The following ATCAY variants were observed in gnomAD, a reference collection of about 807,000 sequenced individuals.
The protein encoded by ATCAY is caytaxin.
A neutral mutation model predicts 47.7 loss-of-function variants in ATCAY; 22 were observed. The ratio of observed to expected loss-of-function variants is 0.46; its 90% CI spans 0.33 to 0.66. The LOEUF (loss-of-function observed/expected upper bound fraction) is 0.66, where lower values mean the gene tolerates loss of function less well. ATCAY is among the 30% of genes least tolerant of loss of function. The pLI is 0.02. For missense variants in ATCAY, 452 were observed against 515.0 expected (o/e 0.88, Z 1.18); for synonymous variants, 216 against 207.6 (o/e 1.04, Z -0.35).
Position 3,926,902 on chromosome 19 carries a change from G to A in ATCAY, c.*2310G>A, listed in dbSNP as rs1292497492. On this transcript the variant is annotated 3_prime_UTR_variant, in exon 13 of 13. Coordinates refer to ENST00000450849, the MANE Select transcript of ATCAY (RefSeq NM_033064.5). Reference sequence around the variant, plus strand: ...GTCCCGAATTCCCACCCCAGTGAATGGTGTCGCTGCCAAAGCCAACACAAG... The same window carrying A: ...GTCCCGAATTCCCACCCCAGTGAATAGTGTCGCTGCCAAAGCCAACACAAG... 1 of 152,214 alleles carries A rather than the reference G, an allele frequency of 6.6e-6. No individual in the cohort carries two copies. The highest frequency in any genetic ancestry group is 2.4e-5 in the African/African-American group (1 of 41,454). 9.4% of individuals were successfully genotyped at this position (152,214 alleles called of 1,614,324 possible).
intron 2 of ATCAY, among the ~76,000 whole-genome samples, chr19:3,889,918 T>C (rs556758710): frequency 2.0e-5 from 3 of 152,108 alleles, no homozygotes; most frequent in South Asian, 4.1e-4. Flanking sequence ...TTCCCCCTAC[T>C]GATTTTTTTT....
intron 2 of ATCAY, among the ~76,000 whole-genome samples, chr19:3,889,231 T>C (rs890476673): frequency 1.3e-5 from 2 of 152,098 alleles, no homozygotes; most frequent in African/African-American, 4.8e-5. Flanking sequence ...CTGACCAACA[T>C]GGAGAAACCC....
At chr19:3,884,940 G>T (rs2038634868) in intron 1 of ATCAY, among the ~76,000 whole-genome samples, 1 of 150,518 alleles carries the variant, frequency 6.6e-6, no homozygotes, top group Admixed American at 6.7e-5. Context: ...CTTAAAAAAA[G>T]ATTTTAAAAA....
chr19:3,917,655 C>G, intron 9 of ATCAY, 87 bp from the exon 10 acceptor site: 2 of 1,066,774 alleles, frequency 1.9e-6, no homozygotes, highest in Non-Finnish European at 1.4e-6. Context: ...GAGCTTGTTT[C>G]TCTGCTTGAA....
intron 6 of ATCAY, among the ~76,000 whole-genome samples, chr19:3,908,791 C>G: frequency 9.4e-6 from 1 of 105,878 alleles, no homozygotes; most frequent in Non-Finnish European, 2.0e-5. Flanking sequence ...TTCTCCTCCT[C>G]TTCCTCCCCT....
intron 9 of ATCAY, 100 bp downstream of exon 9, chr19:3,913,956 G>C (rs1441020569): frequency 1.9e-6 from 2 of 1,070,674 alleles, no homozygotes; most frequent in Middle Eastern, 4.6e-4. Context: ...GGTTTAAGGG[G>C]CCGGGCGCGG....
intron 8 of ATCAY, among the ~76,000 whole-genome samples, chr19:3,911,601 C>T (rs2038923224): frequency 6.6e-6 from 1 of 151,574 alleles, no homozygotes; most frequent in South Asian, 2.1e-4. Flanking sequence ...TTTAAAACTA[C>T]ATATATTCTA....
rs750308240 is a variant in ATCAY, at chr19:3,918,813, C to T, written c.1009C>T (p.Pro337Ser). Residue 337 changes from proline to serine, a missense_variant, in exon 11 of 13, where the codon CCC (proline) becomes TCC (serine). Transcript: ENST00000450849. ...RLKARRESARPQPEFVLPRSE... is the reference protein window; with the variant it reads ...RLKARRESARSQPEFVLPRSE... ...CGTTCTCTCTGTCCACAGCGCGAGG[C>T]CCCAGCCGGAGTTTGTGCTGCCCAG... 1.2e-6 allele frequency: 2 copies of T among 1,613,940 alleles called. No individual in the cohort carries two copies. Among genetic ancestry groups the T allele is most frequent in the East Asian group, 4.5e-5 (2 of 44,872 alleles).
intron 4 of ATCAY, among the ~76,000 whole-genome samples, chr19:3,906,000 G>A (rs925001002): frequency 2.6e-5 from 4 of 151,822 alleles, no homozygotes; most frequent in African/African-American, 4.8e-5. Context: ...GTGAAACCCC[G>A]TCTCTACTAA....
At chr19:3,895,607 T>C (rs1247491984) in intron 2 of ATCAY, among the ~76,000 whole-genome samples, 1 of 152,060 alleles carries the variant, frequency 6.6e-6, no homozygotes, top group Non-Finnish European at 1.5e-5. Flanking sequence ...CTGGGAGTTG[T>C]GCTCAGACTC....
At chr19:3,918,744 G>C in intron 10 of ATCAY, 62 bp from the exon 11 acceptor site, 3 of 1,583,268 alleles carry the variant, frequency 1.9e-6, no homozygotes, top group South Asian at 1.1e-5. Flanking sequence ...TACTAGCTGA[G>C]AGCCCACCCC....
intron 11 of ATCAY, among the ~76,000 whole-genome samples, chr19:3,919,572 C>G (rs1213641471): frequency 6.6e-6 from 1 of 151,742 alleles, no homozygotes; most frequent in Non-Finnish European, 1.5e-5. Context: ...AGCCTGGCGA[C>G]AGAATGAGAT....
intron 2 of ATCAY, among the ~76,000 whole-genome samples, chr19:3,886,519 G>A (rs1297023242): frequency 6.7e-6 from 1 of 149,468 alleles, no homozygotes; most frequent in Non-Finnish European, 1.5e-5. Flanking sequence ...GAACCCAGGA[G>A]GCGGAGCTTG....
chr19:3,921,068 A>C (rs2039014607), intron 12 of ATCAY, among the ~76,000 whole-genome samples: 1 of 152,042 alleles, frequency 6.6e-6, no homozygotes, highest in African/African-American at 2.4e-5. Flanking sequence ...CCAGGATGCA[A>C]ATGAGGCCCC....
chr19:3,914,680 G>T (rs913435981), intron 9 of ATCAY, among the ~76,000 whole-genome samples: 1 of 151,944 alleles, frequency 6.6e-6, no homozygotes, highest in East Asian at 1.9e-4. Flanking sequence ...AATTAGCCAG[G>T]TGTGGTGGTG....
chr19:3,926,750 C>G lies in ATCAY; in HGVS notation c.*2158C>G, dbSNP rs1166075937. 2.0e-5 allele frequency: 3 copies of G among 152,202 alleles called. No individual in the cohort carries two copies. In the East Asian group the frequency reaches 5.8e-4, roughly 29 times the overall value. The allele number at this position is 152,202 out of a possible 1,614,324, so 9.4% of individuals were successfully genotyped here. On this transcript the variant is annotated 3_prime_UTR_variant, in exon 13 of 13. Transcript: ENST00000450849. ...TTATGCCTGCAGGTTCCTGTGGAGC[C>G]ACCGGCTGTGACGGGACACCTCTGG...
chr19:3,912,990 G>GA (rs1046926373), intron 8 of ATCAY, among the ~76,000 whole-genome samples: 1 of 151,542 alleles, frequency 6.6e-6, no homozygotes, highest in African/African-American at 2.4e-5. Context: ...ATTCATCCCT[G>GA]AAAAACAGAG....
rs2038869939 is a variant in ATCAY, at chr19:3,907,288, A to G, written c.359-446A>G. On this transcript the variant is annotated intron_variant, in intron 4 of 12. Transcript: ENST00000450849. The surrounding 1 kb of genome is among the most constrained non-coding windows in gnomAD (Gnocchi z 5.1). ...ATTGAAACCCCATCTCTACAAAAAT[A>G]TAAAAATTAGCTGGGTGTGGTGGTG... Among the ~76,000 whole-genome samples the G allele has an allele frequency of 6.6e-6, 1 of 152,100 alleles. No individual in the cohort carries two copies. Among genetic ancestry groups the G allele is most frequent in the South Asian group, 2.1e-4 (1 of 4,830 alleles).
intron 2 of ATCAY, among the ~76,000 whole-genome samples, chr19:3,887,482 T>A (rs1028351748): frequency 2.0e-5 from 3 of 146,450 alleles, no homozygotes; most frequent in East Asian, 2.0e-4. Flanking sequence ...TTTTTTATTT[T>A]ATTTATTTAT....
Sources: allele counts gnomAD v4.1 joint callset (sites outside exome capture counted in the v4.1 genomes callset), GRCh38; gene constraint gnomAD v4.1.1; non-coding constraint Gnocchi (gnomAD v3.1); transcripts MANE v1.5; gene names NCBI Gene and HGNC (gene_info 2026-07-23, HGNC 2026-07-21).